The following ARB2A variants were observed in gnomAD, a reference collection of about 807,000 sequenced individuals.
The protein encoded by ARB2A is cotranscriptional regulator ARB2A.
chr5:93,973,232 T>C, the ARB2A span, among the ~76,000 whole-genome samples: 1 of 151,860 alleles, frequency 6.6e-6, no homozygotes, highest in Non-Finnish European at 1.5e-5. Context: ...ACATGAATAG[T>C]TCTAGGCGTG....
the ARB2A span, among the ~76,000 whole-genome samples, chr5:94,099,831 A>G: frequency 6.6e-6 from 1 of 151,962 alleles, no homozygotes; most frequent in Non-Finnish European, 1.5e-5. Context: ...CGCAGCCAAC[A>G]TTACATGGAA....
chr5:93,969,400 G>C, the ARB2A span, among the ~76,000 whole-genome samples: 1 of 152,102 alleles, frequency 6.6e-6, no homozygotes, highest in South Asian at 2.1e-4. Context: ...AATTTTCCTG[G>C]ATTTCTTCTG....
At chr5:93,791,210 T>C in the ARB2A span, among the ~76,000 whole-genome samples, 1 of 152,250 alleles carries the variant, frequency 6.6e-6, no homozygotes, top group Non-Finnish European at 1.5e-5. Context: ...ATAAGATGAC[T>C]ATAGATTCCA....
the ARB2A span, among the ~76,000 whole-genome samples, chr5:93,921,703 T>C: frequency 6.6e-6 from 1 of 152,202 alleles, no homozygotes; most frequent in Non-Finnish European, 1.5e-5. Context: ...CATTCAGGTT[T>C]ATGATCAGGA....
the ARB2A span, among the ~76,000 whole-genome samples, chr5:93,685,831 T>C: frequency 2.6e-5 from 4 of 152,338 alleles, no homozygotes; most frequent in South Asian, 6.2e-4. Flanking sequence ...GCTTCTTATA[T>C]GTATTCCCAA....
At chr5:93,967,400 A>C in the ARB2A span, among the ~76,000 whole-genome samples, 3 of 152,286 alleles carry the variant, frequency 2.0e-5, no homozygotes, top group Middle Eastern at 3.4e-3. Context: ...AAATCTCATT[A>C]GATCCATCAG....
the ARB2A span, among the ~76,000 whole-genome samples, chr5:94,056,844 G>T: frequency 6.6e-6 from 1 of 152,170 alleles, no homozygotes; most frequent in Admixed American, 6.5e-5. Context: ...AAGGTAACCA[G>T]ATATTTGATT....
the ARB2A span, among the ~76,000 whole-genome samples, chr5:94,041,409 T>A: frequency 6.6e-6 from 1 of 152,108 alleles, no homozygotes; most frequent in Non-Finnish European, 1.5e-5. Flanking sequence ...CAGCCCAGGT[T>A]TAGGGTCCAA....
At chr5:93,957,029 A>G in the ARB2A span, among the ~76,000 whole-genome samples, 3 of 152,118 alleles carry the variant, frequency 2.0e-5, no homozygotes. Context: ...CCATTTTTTT[A>G]AGAAGAAAAA....
chr5:93,740,101 C>G, the ARB2A span: 6 of 152,140 alleles, frequency 3.9e-5, no homozygotes, highest in African/African-American at 1.2e-4. Flanking sequence ...CAAGTCATTC[C>G]CTCAAGATAA....
chr5:93,946,514 T>G, the ARB2A span, among the ~76,000 whole-genome samples: 9 of 152,200 alleles, frequency 5.9e-5, no homozygotes, highest in Non-Finnish European at 1.2e-4. Flanking sequence ...ATTATCTACC[T>G]GGCTCAGCCA....
the ARB2A span, among the ~76,000 whole-genome samples, chr5:93,961,555 G>A: frequency 1.3e-5 from 2 of 152,088 alleles, no homozygotes; most frequent in African/African-American, 4.8e-5. Flanking sequence ...GTGGTGGTGT[G>A]CACCTGTAGT....
chr5:94,085,611 C>G, the ARB2A span, among the ~76,000 whole-genome samples: 1 of 152,170 alleles, frequency 6.6e-6, no homozygotes, highest in Non-Finnish European at 1.5e-5. Context: ...CCTTGACATC[C>G]TACTGGCAGA....
the ARB2A span, among the ~76,000 whole-genome samples, chr5:94,067,576 T>C: frequency 1.3e-5 from 2 of 151,958 alleles, no homozygotes; most frequent in African/African-American, 4.8e-5. Context: ...GCAAACTCAT[T>C]TACAACAGCT....
chr5:93,861,836 A>G, the ARB2A span: 1 of 152,194 alleles, frequency 6.6e-6, no homozygotes, highest in African/African-American at 2.4e-5. Context: ...GCCACATTTA[A>G]GTCTATTTAG....
the ARB2A span, among the ~76,000 whole-genome samples, chr5:94,063,934 A>C: frequency 6.6e-6 from 1 of 152,190 alleles, no homozygotes; most frequent in African/African-American, 2.4e-5. Flanking sequence ...GTAAATATAT[A>C]AGAAACATTA....
the ARB2A span, among the ~76,000 whole-genome samples, chr5:93,950,836 C>A: frequency 6.6e-5 from 10 of 151,092 alleles, no homozygotes; most frequent in South Asian, 2.1e-4. Context: ...CCCAGCTACT[C>A]GGGAGGCTGA....
chr5:93,829,951 T>A, the ARB2A span, among the ~76,000 whole-genome samples: 3 of 152,216 alleles, frequency 2.0e-5, no homozygotes, highest in Non-Finnish European at 4.4e-5. Context: ...GTGTTCTTTA[T>A]AGTTATTATT....
the ARB2A span, among the ~76,000 whole-genome samples, chr5:93,787,840 G>T: frequency 6.6e-6 from 1 of 152,178 alleles, no homozygotes; most frequent in African/African-American, 2.4e-5. Context: ...AAATCAGCCA[G>T]GAGGAGAAAC....
Sources: gnomAD v4.1 joint callset for allele counts (sites outside exome capture counted in the v4.1 genomes callset) on GRCh38, gnomAD v4.1.1 for gene constraint, MANE v1.5 for transcripts, NCBI Gene and HGNC (gene_info 2026-07-23, HGNC 2026-07-21) for gene names.